The following RBFOX1 variants were observed in gnomAD, a reference collection of about 807,000 sequenced individuals.
The protein encoded by RBFOX1 is RNA binding protein fox-1 homolog 1.
Under a neutral mutation model 57.7 loss-of-function variants are expected in RBFOX1, and 8 were observed. The observed-to-expected ratio is 0.14, with a 90% CI of 0.08 to 0.25. The LOEUF (loss-of-function observed/expected upper bound fraction) is 0.25. RBFOX1 is among the 10% of genes least tolerant of loss of function. The probability of loss-of-function intolerance (pLI) is 1.00; values close to 1 mark genes in which losing one functional copy is unlikely to be tolerated. For synonymous variants in RBFOX1, 326 were observed against 222.4 expected (o/e 1.47, Z -4.15); for missense variants, 611 against 548.5 (o/e 1.11, Z -1.14).
intron 4 of RBFOX1, among the ~76,000 whole-genome samples, chr16:7,483,554 C>G (rs1258647061): frequency 6.6e-6 from 1 of 152,176 alleles, no homozygotes; most frequent in East Asian, 1.9e-4. Context: ...ACCTTGTTAT[C>G]TACAGACATA....
chr16:6,301,638 C>T (rs1339118929), intron 1 of RBFOX1, among the ~76,000 whole-genome samples: 4 of 151,964 alleles, frequency 2.6e-5, no homozygotes, highest in Admixed American at 2.6e-4. Context: ...ATAATTTTCT[C>T]TTTATTTTGC....
At chr16:6,229,625 A>G (rs2097443524) in intron 1 of RBFOX1, among the ~76,000 whole-genome samples, 1 of 152,204 alleles carries the variant, frequency 6.6e-6, no homozygotes, top group Non-Finnish European at 1.5e-5. Context: ...AGGAACCAGG[A>G]AGAAATTTAG....
At chr16:5,599,194 C>T in exon 3 of RBFOX1, 1 of 703,514 alleles carries the variant, frequency 1.4e-6, no homozygotes, top group Non-Finnish European at 2.6e-6. Flanking sequence ...GTATTCTGTC[C>T]TCTAAAAAAG....
intron 5 of RBFOX1, among the ~76,000 whole-genome samples, chr16:7,536,300 A>G (rs1390518135): frequency 6.6e-6 from 1 of 152,248 alleles, no homozygotes; most frequent in Non-Finnish European, 1.5e-5. Flanking sequence ...GACTTTTAAC[A>G]TGAAAATTAG....
intron 2 of RBFOX1, among the ~76,000 whole-genome samples, chr16:6,562,127 T>C (rs2097187126): frequency 1.3e-5 from 2 of 152,186 alleles, no homozygotes; most frequent in Non-Finnish European, 2.9e-5. Context: ...AGAATTAGAC[T>C]CCATAGTTCA....
At chr16:6,931,740 C>T (rs902343431) in intron 3 of RBFOX1, among the ~76,000 whole-genome samples, 1 of 152,160 alleles carries the variant, frequency 6.6e-6, no homozygotes, top group South Asian at 2.1e-4. Flanking sequence ...TTGTGCAGAT[C>T]TCTTTGTTGT....
intron 1 of RBFOX1, among the ~76,000 whole-genome samples, chr16:5,269,098 G>A (rs571956435): frequency 2.0e-5 from 3 of 152,250 alleles, no homozygotes; most frequent in African/African-American, 7.2e-5. Flanking sequence ...TATTTTTTTA[G>A]TAGAGACAGG....
chr16:6,664,827 A>C (rs1389887258), intron 3 of RBFOX1, among the ~76,000 whole-genome samples: 2 of 152,350 alleles, frequency 1.3e-5, no homozygotes, highest in East Asian at 3.9e-4. Flanking sequence ...ACAGTTTTGC[A>C]GTCAAACGGA....
chr16:7,122,689 A>T (rs966075468), intron 4 of RBFOX1, among the ~76,000 whole-genome samples: 1 of 152,172 alleles, frequency 6.6e-6, no homozygotes, highest in Non-Finnish European at 1.5e-5. Flanking sequence ...GTATATGCTT[A>T]TCATAGAGCC....
chr16:7,451,994 C>G (rs1357714838), intron 4 of RBFOX1, among the ~76,000 whole-genome samples: 6 of 152,160 alleles, frequency 3.9e-5, no homozygotes, highest in African/African-American at 1.2e-4. Context: ...GACAAAGAGA[C>G]TAGTACGACC....
chr16:6,586,230 G>T (rs150007388), intron 2 of RBFOX1, among the ~76,000 whole-genome samples: 46 of 152,300 alleles, frequency 3.0e-4, no homozygotes, highest in Middle Eastern at 3.4e-3. Context: ...AATTTGCTCA[G>T]ATAGGTAGGT....
chr16:6,097,353 A>G lies in RBFOX1; in HGVS notation c.-127+77361A>G, dbSNP rs1033822207. Among the ~76,000 whole-genome samples, 16 of 152,072 alleles carry G rather than the reference A, an allele frequency of 1.1e-4. No individual in the cohort carries two copies. The highest frequency in any genetic ancestry group is 3.4e-4 in the African/African-American group (14 of 41,402). On this transcript the variant is annotated intron_variant, in intron 1 of 15. Transcript: ENST00000550418. This position sits in a 1 kb window ranked among gnomAD's most constrained non-coding sequence, Gnocchi z 5.0. ...CCCCTGTGATTTGGGTGGATATTAA[A>G]ATTTTGCAAGCCGCCACTCTAGAGA...
intron 3 of RBFOX1, among the ~76,000 whole-genome samples, chr16:6,666,681 G>A (rs916108448): frequency 1.3e-5 from 2 of 152,144 alleles, no homozygotes; most frequent in African/African-American, 4.8e-5. Context: ...TTCACAGGAA[G>A]AAGAAAATAC....
chr16:6,501,151 T>C (rs969100422), intron 2 of RBFOX1, among the ~76,000 whole-genome samples: 1 of 150,074 alleles, frequency 6.7e-6, no homozygotes, highest in Admixed American at 6.6e-5. Context: ...TTTTTTTTTT[T>C]TATTTCACTT....
intron 4 of RBFOX1, among the ~76,000 whole-genome samples, chr16:7,275,400 C>T (rs561796772): frequency 1.4e-3 from 210 of 152,306 alleles, no homozygotes; most frequent in African/African-American, 4.7e-3. Flanking sequence ...ATCATTCATT[C>T]ATTTATCAAA....
At chr16:6,591,172 G>A (rs934182478) in intron 2 of RBFOX1, among the ~76,000 whole-genome samples, 3 of 152,194 alleles carry the variant, frequency 2.0e-5, no homozygotes, top group African/African-American at 4.8e-5. Context: ...CTGGCCAGGC[G>A]TGGCTGCTCA....
chr16:5,640,918 C>G (rs989057064), intron 3 of RBFOX1, among the ~76,000 whole-genome samples: 1 of 151,386 alleles, frequency 6.6e-6, no homozygotes, highest in Non-Finnish European at 1.5e-5. Flanking sequence ...CATGGACACA[C>G]GTGCACATAC....
intron 2 of RBFOX1, among the ~76,000 whole-genome samples, chr16:6,328,044 GC>G (rs2082580128): frequency 6.6e-6 from 1 of 152,112 alleles, no homozygotes; most frequent in East Asian, 1.9e-4. Context: ...CAGCCCTAAT[GC>G]CCATCAATCA....
intron 3 of RBFOX1, among the ~76,000 whole-genome samples, chr16:6,713,906 C>A (rs947781304): frequency 6.6e-6 from 1 of 152,182 alleles, no homozygotes; most frequent in Non-Finnish European, 1.5e-5. Context: ...AAGATATCAT[C>A]CTTTTCTCAG....
Sources: gnomAD v4.1 joint callset for allele counts (sites outside exome capture counted in the v4.1 genomes callset) on GRCh38, gnomAD v4.1.1 for gene constraint, Gnocchi (gnomAD v3.1) non-coding constraint, MANE v1.5 for transcripts, NCBI Gene and HGNC (gene_info 2026-07-23, HGNC 2026-07-21) for gene names.